AGR3: variants seen among roughly 807,000 people sequenced by gnomAD.
The protein encoded by AGR3 is anterior gradient 3, protein disulphide isomerase family member.
A neutral mutation model predicts 24.5 loss-of-function variants in AGR3; 37 were observed. That is an observed-to-expected ratio of 1.51 (90% CI 1.16 to 1.99). The LOEUF (loss-of-function observed/expected upper bound fraction) is 1.99. Among genes scored for constraint, AGR3 ranks in the 30% most tolerant of loss-of-function variants. AGR3 has a pLI of 0.00. For missense variants in AGR3, 228 were observed against 191.1 expected (o/e 1.19, Z -1.14); for synonymous variants, 75 against 61.6 (o/e 1.22, Z -1.02).
downstream of AGR3, among the ~76,000 whole-genome samples, chr7:16,855,104 C>G (rs1002147299): frequency 3.9e-5 from 6 of 151,966 alleles, no homozygotes. Context: ...ATCGATCATC[C>G]CAAACATTTA....
downstream of AGR3, among the ~76,000 whole-genome samples, chr7:16,858,317 A>T (rs533456157): frequency 1.3e-5 from 2 of 152,070 alleles, no homozygotes; most frequent in East Asian, 3.9e-4. Context: ...CTACCTTCTG[A>T]TAATTACTCC....
chr7:16,880,321 C>G (rs968684923), intron 1 of AGR3, among the ~76,000 whole-genome samples: 1 of 151,680 alleles, frequency 6.6e-6, no homozygotes, highest in African/African-American at 2.4e-5. Flanking sequence ...CCATCATGCC[C>G]GGCTAATTTT....
At chr7:16,865,861 C>T (rs1010556597) in intron 3 of AGR3, 5 of 733,670 alleles carry the variant, frequency 6.8e-6, no homozygotes, top group Non-Finnish European at 1.0e-5. Flanking sequence ...CCTTTGATAG[C>T]GTTTTTTTGG....
At chr7:16,864,540 C>A (rs1170470528) in intron 3 of AGR3, 1 of 1,339,670 alleles carries the variant, frequency 7.5e-7, no homozygotes, top group African/African-American at 1.4e-5. Flanking sequence ...CGAAGTGTTG[C>A]TTCAGAGGGA....
intron 2 of AGR3, among the ~76,000 whole-genome samples, chr7:16,876,399 T>G (rs1473433317): frequency 6.6e-6 from 1 of 152,124 alleles, no homozygotes; most frequent in African/African-American, 2.4e-5. Flanking sequence ...CAAAGGAAAT[T>G]GGATTTTTTT....
chr7:16,863,097 G>C (rs1306037900), intron 3 of AGR3, among the ~76,000 whole-genome samples: 1 of 152,168 alleles, frequency 6.6e-6, no homozygotes, highest in Non-Finnish European at 1.5e-5. Flanking sequence ...AAAAACCAAA[G>C]GCTTCATCCC....
chr7:16,856,706 TG>T (rs530047642), downstream of AGR3, among the ~76,000 whole-genome samples: 486 of 152,328 alleles, frequency 3.2e-3, 4 homozygotes, highest in South Asian at 5.4e-3. Flanking sequence ...AGGTAGTTGA[TG>T]TTGGTAACTT....
chr7:16,864,413 C>T (rs533021122), intron 3 of AGR3: 8 of 1,270,234 alleles, frequency 6.3e-6, no homozygotes, highest in African/African-American at 1.5e-5. Context: ...GTGTCCTGTG[C>T]GGGTTCACCC....
At chr7:16,877,197 T>C (rs1056679738) in intron 2 of AGR3, among the ~76,000 whole-genome samples, 7 of 148,792 alleles carry the variant, frequency 4.7e-5, no homozygotes. Context: ...GTTTTAGAAT[T>C]TGAAATTATA....
At chr7:16,864,498 C>G in intron 3 of AGR3, 1 of 1,261,378 alleles carries the variant, frequency 7.9e-7, no homozygotes, top group Non-Finnish European at 1.2e-6. Context: ...TTCCATGTTC[C>G]CTGTCAGTCA....
chr7:16,876,235 T>G (rs1781984453), intron 2 of AGR3, among the ~76,000 whole-genome samples: 1 of 152,202 alleles, frequency 6.6e-6, no homozygotes, highest in Admixed American at 6.5e-5. Flanking sequence ...TTAAATGCAC[T>G]TCATGGCTTC....
intron 3 of AGR3, among the ~76,000 whole-genome samples, chr7:16,868,914 A>G (rs1186548469): frequency 6.6e-6 from 1 of 152,192 alleles, no homozygotes; most frequent in Non-Finnish European, 1.5e-5. Flanking sequence ...GTCAGAAAAG[A>G]TAGTTGATAT....
intron 3 of AGR3, among the ~76,000 whole-genome samples, chr7:16,871,586 T>TA (rs1219996230): frequency 2.6e-5 from 4 of 152,184 alleles, no homozygotes; most frequent in Non-Finnish European, 4.4e-5. Flanking sequence ...CTAACGCCTG[T>TA]AATCCCAGCA....
At chr7:16,880,029 T>C (rs4998166) in intron 1 of AGR3, among the ~76,000 whole-genome samples, 13 of 149,620 alleles carry the variant, frequency 8.7e-5, no homozygotes, top group Admixed American at 2.7e-4. Context: ...CCCTCCCTAA[T>C]CCCCAGTTGT....
chr7:16,865,492 G>A, intron 3 of AGR3: 1 of 720,022 alleles, frequency 1.4e-6, no homozygotes, highest in African/African-American at 1.8e-5. Flanking sequence ...ATTTCTTTGG[G>A]GAACAAGAAA....
chr7:16,878,516 A>C lies in AGR3; in HGVS notation c.103T>G (p.Ser35Ala). 1 of 1,612,876 alleles carries C rather than the reference A, an allele frequency of 6.2e-7. No individual in the cohort carries two copies. Among genetic ancestry groups the C allele is most frequent in the Non-Finnish European group, 8.5e-7 (1 of 1,178,874 alleles). ...KKEKRPPQTL[S>A]RGWGDDITWV... Reference sequence around the variant, plus strand: ...TAAAATGAGATTACAGCACCTCTTGAGAGTGTCTGAGGAGGCCTCTTTTCC... The same window carrying C: ...TAAAATGAGATTACAGCACCTCTTGCGAGTGTCTGAGGAGGCCTCTTTTCC... The change falls in exon 2 of 8, where the codon TCA becomes GCA. Residue 35 changes from serine (S) to alanine (A), a missense_variant. Coordinates refer to ENST00000310398, the MANE Select transcript of AGR3 (RefSeq NM_176813.5).
At chr7:16,856,101 G>C (rs78259390), downstream of AGR3, among the ~76,000 whole-genome samples, 2,887 of 152,168 alleles carry the variant, frequency 0.019, 97 homozygotes, top group African/African-American at 0.066. Context: ...ATTTTATTAG[G>C]TTATTTAGTA....
intron 3 of AGR3, among the ~76,000 whole-genome samples, chr7:16,868,190 T>G (rs532808626): frequency 4.4e-4 from 67 of 152,036 alleles, no homozygotes; most frequent in Non-Finnish European, 7.7e-4. Context: ...AGTTTCGCTC[T>G]TGTTGCCCAG....
chr7:16,865,971 C>G, intron 3 of AGR3: 1 of 681,064 alleles, frequency 1.5e-6, no homozygotes, highest in Non-Finnish European at 2.7e-6. Context: ...CAGGTTTCAA[C>G]TTCTTCAATT....
Sources: allele counts gnomAD v4.1 joint callset (sites outside exome capture counted in the v4.1 genomes callset), GRCh38; gene constraint gnomAD v4.1.1; transcripts MANE v1.5; gene names NCBI Gene and HGNC (gene_info 2026-07-23, HGNC 2026-07-21).